Variants in SGCZ observed in about 807,000 individuals in gnomAD.
The protein encoded by SGCZ is zeta-sarcoglycan.
Under a neutral mutation model 41.3 loss-of-function variants are expected in SGCZ, and 40 were observed. The ratio of observed to expected loss-of-function variants is 0.97; its 90% CI spans 0.75 to 1.26. SGCZ has a LOEUF of 1.26. SGCZ is among the 50% of genes most tolerant of loss of function. The probability of loss-of-function intolerance (pLI) is 0.00; values close to 1 mark genes in which losing one functional copy is unlikely to be tolerated. For missense variants in SGCZ, 552 were observed against 369.8 expected (o/e 1.49, Z -4.04); for synonymous variants, 206 against 137.5 (o/e 1.50, Z -3.49).
chr8:14,147,898 G>A (rs146625749), intron 5 of SGCZ, among the ~76,000 whole-genome samples: 1 of 151,880 alleles, frequency 6.6e-6, no homozygotes, highest in East Asian at 1.9e-4. Flanking sequence ...AATAATAAGA[G>A]GAATTTTGCG....
At position 15,221,408 on chromosome 8, in the gene SGCZ, T is replaced by C. The variant is rs150416609; in HGVS notation, c.39+16177A>G. 2.1e-3 allele frequency among the ~76,000 whole-genome samples: 326 copies of C among 152,300 alleles called. 3 individuals carry two copies. The highest frequency in any genetic ancestry group is 7.7e-3 in the African/African-American group (318 of 41,568). On this transcript the variant is annotated intron_variant, in intron 1 of 7. Transcript: ENST00000382080. ...AGAACAGAACTCTTTCTCTCATCTC[T>C]GATCTGCCTCATTCTTCTTCAGCAG...
rs1801532172 is a variant in SGCZ at position 14,086,728 on chromosome 8, A to C, written c.*3715T>G. Among the ~76,000 whole-genome samples the C allele has an allele frequency of 6.6e-6, 1 of 151,710 alleles. No homozygotes were observed. Among genetic ancestry groups the C allele is most frequent in the Non-Finnish European group, 1.5e-5 (1 of 67,746 alleles). ...GGAACCTTAATGTTCAAATGTTAAG[A>C]GTGTAAAAGGGAGTATAAAAAAGAG... On this transcript the variant is annotated 3_prime_UTR_variant, in exon 8 of 8. Coordinates refer to ENST00000382080, the MANE Select transcript of SGCZ (RefSeq NM_139167.4).
chr8:14,153,842 C>A (rs891503399), intron 5 of SGCZ, among the ~76,000 whole-genome samples: 2 of 151,866 alleles, frequency 1.3e-5, no homozygotes, highest in Non-Finnish European at 2.9e-5. Context: ...AGGATGGGGT[C>A]CTCTTGATGA....
intron 3 of SGCZ, among the ~76,000 whole-genome samples, chr8:14,287,533 T>C (rs1237835844): frequency 6.6e-6 from 1 of 152,058 alleles, no homozygotes; most frequent in Non-Finnish European, 1.5e-5. Flanking sequence ...TTTCAAGATG[T>C]CTTTACTAGT....
intron 1 of SGCZ, among the ~76,000 whole-genome samples, chr8:15,121,066 TC>T (rs1807459596): frequency 6.6e-6 from 1 of 152,240 alleles, no homozygotes; most frequent in African/African-American, 2.4e-5. Context: ...CTTCATTTTT[TC>T]TTTGCGTTGC....
At chr8:15,024,381 T>C (rs1269419014) in intron 1 of SGCZ, among the ~76,000 whole-genome samples, 1 of 152,200 alleles carries the variant, frequency 6.6e-6, no homozygotes, top group African/African-American at 2.4e-5. Context: ...AAATTTTTAT[T>C]CTGCAAATAT....
intron 2 of SGCZ, among the ~76,000 whole-genome samples, chr8:14,325,811 G>C (rs1312054749): frequency 3.6e-5 from 5 of 137,804 alleles, no homozygotes; most frequent in African/African-American, 1.3e-4. Flanking sequence ...CACATCCACA[G>C]AAAGGGATGA....
chr8:15,044,030 T>C (rs1804208623), intron 1 of SGCZ, among the ~76,000 whole-genome samples: 1 of 152,176 alleles, frequency 6.6e-6, no homozygotes, highest in Non-Finnish European at 1.5e-5. Context: ...CTGCCTATAT[T>C]GCCATGCTTT....
At chr8:14,470,198 C>A (rs532312309) in intron 2 of SGCZ, among the ~76,000 whole-genome samples, 1 of 151,914 alleles carries the variant, frequency 6.6e-6, no homozygotes, top group Admixed American at 6.6e-5. Context: ...CTTCTCGCAA[C>A]GTTTGGTAAC....
At chr8:14,951,667 T>C (rs566485095) in intron 1 of SGCZ, among the ~76,000 whole-genome samples, 1 of 152,042 alleles carries the variant, frequency 6.6e-6, no homozygotes, top group Admixed American at 6.6e-5. Context: ...TAATTTACAA[T>C]GATCAAATGA....
intron 2 of SGCZ, among the ~76,000 whole-genome samples, chr8:14,545,190 T>C (rs1803587375): frequency 6.6e-6 from 1 of 152,130 alleles, no homozygotes; most frequent in Non-Finnish European, 1.5e-5. Context: ...TGACACAGAC[T>C]GAAAACTAAA....
intron 4 of SGCZ, among the ~76,000 whole-genome samples, chr8:14,217,120 T>A (rs897605112): frequency 1.3e-5 from 2 of 151,844 alleles, no homozygotes; most frequent in Admixed American, 6.6e-5. Flanking sequence ...ACCCTGTCTA[T>A]ACTAAAAATA....
intron 1 of SGCZ, among the ~76,000 whole-genome samples, chr8:15,169,354 GGGA>G (rs1416761318): frequency 6.6e-6 from 1 of 152,182 alleles, no homozygotes; most frequent in Non-Finnish European, 1.5e-5. Context: ...CGTTTGCAGG[GGGA>G]GGAGCCTGCC....
At chr8:14,131,451 G>T (rs1424650309) in intron 5 of SGCZ, among the ~76,000 whole-genome samples, 3 of 152,142 alleles carry the variant, frequency 2.0e-5, no homozygotes, top group Admixed American at 1.3e-4. Context: ...ATTTCTGTAT[G>T]TTATTCCAAT....
intron 1 of SGCZ, among the ~76,000 whole-genome samples, chr8:15,087,817 A>G (rs1049781642): frequency 2.0e-5 from 3 of 152,156 alleles, no homozygotes; most frequent in African/African-American, 7.2e-5. Context: ...AATTCTCTGC[A>G]AATAAGCTAT....
Position 14,164,640 on chromosome 8 carries a change from C to A in SGCZ, c.487G>T (p.Val163Leu). The change falls in exon 5 of 8, where the codon GTG becomes TTG. Residue 163 changes from valine to leucine, a missense_variant. Val to Leu is a conservative substitution (Grantham distance 32). Coordinates refer to ENST00000382080, the MANE Select transcript of SGCZ (RefSeq NM_139167.4). ...FEVRASEDGR[V>L]LFSADEDEIT... is the part of the protein sequence containing the mutation. ...TCATCTTCATCTGCAGAAAACAGCA[C>A]CCTGCCATCTTCACTGGCTCTCACT... is the stretch of plus-strand genomic sequence containing the variant. The A allele has an allele frequency of 6.2e-7, 1 of 1,613,624 alleles. No individual in the cohort carries two copies. Among genetic ancestry groups the A allele is most frequent in the Non-Finnish European group, 8.5e-7 (1 of 1,179,732 alleles).
chr8:15,117,253 G>A (rs1181867555), intron 1 of SGCZ, among the ~76,000 whole-genome samples: 1 of 152,074 alleles, frequency 6.6e-6, no homozygotes, highest in African/African-American at 2.4e-5. Context: ...CAGCTACTCA[G>A]GGAGCTGAGG....
At chr8:15,016,880 G>C (rs957074083) in intron 1 of SGCZ, among the ~76,000 whole-genome samples, 3 of 152,124 alleles carry the variant, frequency 2.0e-5, no homozygotes, top group Admixed American at 1.3e-4. Flanking sequence ...AAGAGAGAGA[G>C]AGAGAGAAAT....
chr8:14,876,647 C>T (rs139143109), intron 1 of SGCZ, among the ~76,000 whole-genome samples: 4,759 of 152,150 alleles, frequency 0.031, 88 homozygotes, highest in African/African-American at 0.051. Context: ...CTTAAAGTAA[C>T]TTTTTTAAAT....
Sources: gnomAD v4.1 joint callset for allele counts (sites outside exome capture counted in the v4.1 genomes callset) on GRCh38, gnomAD v4.1.1 for gene constraint, MANE v1.5 for transcripts, NCBI Gene and HGNC (gene_info 2026-07-23, HGNC 2026-07-21) for gene names.